Variants in NCAM1 observed in about 807,000 individuals in gnomAD.
The protein encoded by NCAM1 is neural cell adhesion molecule 1.
A neutral mutation model predicts 109.8 loss-of-function variants in NCAM1; 14 were observed. The ratio of observed to expected loss-of-function variants is 0.13; its 90% CI spans 0.08 to 0.20. The LOEUF is 0.20. Among genes scored for constraint, NCAM1 ranks in the 10% least tolerant of loss-of-function variants. The probability of loss-of-function intolerance (pLI) is 1.00; values close to 1 mark genes in which losing one functional copy is unlikely to be tolerated. For synonymous variants in NCAM1, 418 were observed against 442.9 expected, an observed-to-expected ratio of 0.94 and a Z score of 0.70; for missense variants, 774 against 1,109.9, an observed-to-expected ratio of 0.70 and a Z score of 4.30.
At position 113,227,700 on chromosome 11, in the gene NCAM1, C is replaced by T. The variant is rs141605034; in HGVS notation, c.1090-3945C>T. ...AATCATCAATAAAATACTGGCAAACCGAATCCAGCAAACACATCAAAAAGC... is the reference window on the plus strand; with the variant it reads ...AATCATCAATAAAATACTGGCAAACTGAATCCAGCAAACACATCAAAAAGC... On this transcript the variant is annotated intron_variant, in intron 9 of 19. Transcript: ENST00000316851. 3.5e-3 allele frequency among the ~76,000 whole-genome samples: 531 copies of T among 152,254 alleles called. 7 individuals carry two copies. The highest frequency in any genetic ancestry group is 0.012 in the African/African-American group (507 of 41,548).
At chr11:113,192,893 T>A (rs1943727701) in intron 1 of NCAM1, among the ~76,000 whole-genome samples, 1 of 152,184 alleles carries the variant, frequency 6.6e-6, no homozygotes, top group Admixed American at 6.5e-5. Context: ...TGGCCATGAC[T>A]CCAACATAGT....
intron 1 of NCAM1, among the ~76,000 whole-genome samples, chr11:113,106,459 TGAA>T (rs1262677700): frequency 1.3e-5 from 2 of 152,208 alleles, no homozygotes; most frequent in African/African-American, 4.8e-5. Flanking sequence ...TTGTATTTGC[TGAA>T]GAAGAAGATA....
chr11:113,005,580 T>C (rs1951872403), intron 1 of NCAM1, among the ~76,000 whole-genome samples: 1 of 152,184 alleles, frequency 6.6e-6, no homozygotes, highest in African/African-American at 2.4e-5. Context: ...TTTCTGTTCA[T>C]ACCTTTTTCT....
intron 1 of NCAM1, among the ~76,000 whole-genome samples, chr11:113,025,918 T>G (rs1952531920): frequency 6.6e-6 from 1 of 152,116 alleles, no homozygotes; most frequent in Non-Finnish European, 1.5e-5. Context: ...ATTTTGTGGT[T>G]GTGCCCACCA....
intron 14 of NCAM1, among the ~76,000 whole-genome samples, chr11:113,237,050 T>A (rs898950159): frequency 2.0e-5 from 3 of 152,206 alleles, no homozygotes; most frequent in Non-Finnish European, 4.4e-5. Context: ...ATGTAGGAAC[T>A]CTTCTGCCAT....
chr11:113,263,912 C>T, intron 17 of NCAM1: 2 of 985,548 alleles, frequency 2.0e-6, no homozygotes, highest in Non-Finnish European at 2.4e-6. Context: ...CCGAGCCAAC[C>T]TGTCAGTGCT....
chr11:113,245,341 C>T (rs1237576302), intron 14 of NCAM1, among the ~76,000 whole-genome samples: 1 of 152,180 alleles, frequency 6.6e-6, no homozygotes, highest in Admixed American at 6.5e-5. Flanking sequence ...ATTCAGGAGG[C>T]TGAGGCAGAA....
At chr11:113,100,259 G>A (rs1462958214) in intron 1 of NCAM1, among the ~76,000 whole-genome samples, 2 of 152,156 alleles carry the variant, frequency 1.3e-5, no homozygotes, top group Non-Finnish European at 2.9e-5. Context: ...CTTGTGGAAG[G>A]GGAGCACACA....
intron 1 of NCAM1, among the ~76,000 whole-genome samples, chr11:113,011,325 G>C (rs1320956554): frequency 1.3e-5 from 2 of 149,866 alleles, no homozygotes; most frequent in Non-Finnish European, 3.0e-5. Context: ...GTATTCCATG[G>C]TGTATATGTG....
intron 1 of NCAM1, among the ~76,000 whole-genome samples, chr11:112,964,723 G>A (rs2134455112): frequency 6.6e-6 from 1 of 152,244 alleles, no homozygotes; most frequent in South Asian, 2.1e-4. Flanking sequence ...TGTAATAAAG[G>A]CTATATAAGA....
chr11:113,084,229 T>C (rs1938978099), intron 1 of NCAM1, among the ~76,000 whole-genome samples: 1 of 152,138 alleles, frequency 6.6e-6, no homozygotes, highest in East Asian at 1.9e-4. Flanking sequence ...CATCCTCTGT[T>C]TGCACCACCC....
intron 14 of NCAM1, among the ~76,000 whole-genome samples, chr11:113,236,530 G>GC (rs1414541376): frequency 3.3e-5 from 5 of 152,150 alleles, no homozygotes; most frequent in African/African-American, 1.2e-4. Context: ...TTTAGAGCAT[G>GC]CAACTTCTGT....
chr11:113,012,988 A>G (rs1952109872), intron 1 of NCAM1, among the ~76,000 whole-genome samples: 1 of 152,202 alleles, frequency 6.6e-6, no homozygotes, highest in Admixed American at 6.5e-5. Context: ...TAATAAAATT[A>G]TGGTCATATT....
intron 1 of NCAM1, among the ~76,000 whole-genome samples, chr11:113,169,453 A>G (rs781824526): frequency 3.9e-5 from 6 of 152,218 alleles, no homozygotes; most frequent in Non-Finnish European, 8.8e-5. Context: ...ATATAGTTCA[A>G]GCTGTACCTC....
intron 14 of NCAM1, among the ~76,000 whole-genome samples, chr11:113,238,470 C>T (rs761882688): frequency 3.3e-5 from 5 of 152,142 alleles, no homozygotes; most frequent in South Asian, 2.1e-4. Flanking sequence ...ACTTAGCCCA[C>T]GGAGTATCCT....
At chr11:113,085,358 G>C (rs1445249021) in intron 1 of NCAM1, among the ~76,000 whole-genome samples, 1 of 152,200 alleles carries the variant, frequency 6.6e-6, no homozygotes, top group Non-Finnish European at 1.5e-5. Flanking sequence ...GATGAGACAT[G>C]GTTGGCCACT....
At position 113,273,760 on chromosome 11, in the gene NCAM1, C is replaced by T; in HGVS notation, c.2457-1507C>T. On this transcript the variant is annotated intron_variant, in intron 19 of 19. Transcript: ENST00000316851. This position sits in a 1 kb window ranked among gnomAD's most constrained non-coding sequence, Gnocchi z 6.0. ...CCAGCAAAGACCGAGTACGGCCTCTCTTTGTCTGCTGTCATCGGGTTGTGT... is the reference window on the plus strand; with the variant it reads ...CCAGCAAAGACCGAGTACGGCCTCTTTTTGTCTGCTGTCATCGGGTTGTGT... 1 of 428,112 alleles carries T rather than the reference C, an allele frequency of 2.3e-6. No homozygotes were observed. Among genetic ancestry groups the T allele is most frequent in the South Asian group, 1.6e-5 (1 of 61,342 alleles). The allele number at this position is 428,112 out of a possible 1,614,324, so 26.5% of individuals were successfully genotyped here.
intron 1 of NCAM1, among the ~76,000 whole-genome samples, chr11:113,044,354 G>GACAC (rs139552430): frequency 1.3e-5 from 2 of 151,406 alleles, no homozygotes; most frequent in Non-Finnish European, 1.5e-5. Flanking sequence ...TTCTGTGTGT[G>GACAC]ACACACACAC....
At chr11:113,032,408 T>C (rs1195612042) in intron 1 of NCAM1, among the ~76,000 whole-genome samples, 1 of 152,102 alleles carries the variant, frequency 6.6e-6, no homozygotes, top group Non-Finnish European at 1.5e-5. Context: ...ATTCAGGGAT[T>C]CAGGCACCTC....
Sources: allele counts gnomAD v4.1 joint callset (sites outside exome capture counted in the v4.1 genomes callset), GRCh38; gene constraint gnomAD v4.1.1; non-coding constraint Gnocchi (gnomAD v3.1); transcripts MANE v1.5; gene names NCBI Gene and HGNC (gene_info 2026-07-23, HGNC 2026-07-21).